Variants in DMD observed in about 807,000 individuals in gnomAD.
DMD encodes the protein dystrophin, also known as mutant dystrophin.
DMD carries 63 observed loss-of-function variants against 330.1 expected under a neutral mutation model. That is an observed-to-expected ratio of 0.19 (90% CI 0.16 to 0.24). The LOEUF (loss-of-function observed/expected upper bound fraction) is 0.24. DMD is among the 10% of genes least tolerant of loss of function. The pLI, the probability that DMD is intolerant of heterozygous loss-of-function variation, is 1.00. For synonymous variants in DMD, 1,223 were observed against 959.8 expected, an observed-to-expected ratio of 1.27 and a Z score of -5.07; for missense variants, 3,344 against 2,684.1, an observed-to-expected ratio of 1.25 and a Z score of -5.43.
At chrX:32,357,646 A>T (rs1402702305) in intron 37 of DMD, among the ~76,000 whole-genome samples, 1 of 83,316 alleles carries the variant, frequency 1.2e-5, no homozygotes, top group African/African-American at 5.0e-5. Flanking sequence ...ATTTCTCAAC[A>T]GTGCATACAC....
intron 60 of DMD, among the ~76,000 whole-genome samples, chrX:31,422,042 TA>T (rs1250539154): frequency 3.8e-4 from 3 of 7,935 alleles, no homozygotes; most frequent in African/African-American, 5.2e-4. Context: ...TATATATATA[TA>T]TTTTTTTTTT....
At chrX:31,269,892 A>G (rs2051485558) in intron 62 of DMD, among the ~76,000 whole-genome samples, 1 of 111,125 alleles carries the variant, frequency 9.0e-6, no homozygotes, top group African/African-American at 3.3e-5. Context: ...AGGAGGTTGG[A>G]CCTCTGTGGG....
intron 7 of DMD, among the ~76,000 whole-genome samples, chrX:32,761,958 G>C (rs942503455): frequency 1.8e-5 from 2 of 109,610 alleles, no homozygotes; most frequent in African/African-American, 6.7e-5. Context: ...AGACCATTCT[G>C]GCTAACACAG....
chrX:31,565,143 C>A (rs1461428695), intron 55 of DMD, among the ~76,000 whole-genome samples: 2 of 111,709 alleles, frequency 1.8e-5, no homozygotes, highest in Non-Finnish European at 3.8e-5. Flanking sequence ...CCCCTGACCC[C>A]GTCTCCCTGA....
intron 1 of DMD, among the ~76,000 whole-genome samples, chrX:33,093,084 A>G (rs774855142): frequency 3.6e-5 from 4 of 111,156 alleles, no homozygotes; most frequent in Non-Finnish European, 5.7e-5. Context: ...TATGTTGGAT[A>G]GGCTGGTCTC....
intron 7 of DMD, among the ~76,000 whole-genome samples, chrX:32,733,031 A>C (rs2067925550): frequency 9.1e-6 from 1 of 110,165 alleles, no homozygotes; most frequent in Non-Finnish European, 1.9e-5. Context: ...TCATGTGCAG[A>C]GACACACATA....
At chrX:31,374,058 GAC>G (rs1161643973) in intron 60 of DMD, among the ~76,000 whole-genome samples, 3 of 99,153 alleles carry the variant, frequency 3.0e-5, no homozygotes, top group Non-Finnish European at 6.1e-5. Context: ...GCAGCCAAAA[GAC>G]ACATGAAAAA....
At chrX:31,724,345 T>C (rs757341097) in intron 52 of DMD, among the ~76,000 whole-genome samples, 2 of 112,385 alleles carry the variant, frequency 1.8e-5, no homozygotes, top group South Asian at 3.6e-4. Flanking sequence ...CAATGAATGA[T>C]GGGTTGACAA....
At chrX:32,955,739 T>G (rs904922240) in intron 2 of DMD, among the ~76,000 whole-genome samples, 2 of 111,931 alleles carry the variant, frequency 1.8e-5, no homozygotes, top group Non-Finnish European at 3.8e-5. Context: ...GGGGTCCAGT[T>G]TCTATCTTCT....
intron 43 of DMD, among the ~76,000 whole-genome samples, chrX:32,265,477 G>A (rs1363987313): frequency 8.9e-6 from 1 of 112,484 alleles, no homozygotes; most frequent in Non-Finnish European, 1.9e-5. Flanking sequence ...GAAATGTGGG[G>A]TTGGAGCCCC....
At chrX:32,235,208 G>C (rs2097183242) in intron 43 of DMD, among the ~76,000 whole-genome samples, 1 of 111,450 alleles carries the variant, frequency 9.0e-6, no homozygotes, top group African/African-American at 3.3e-5. Context: ...GTCCCATCTG[G>C]GGGGTGATGG....
At chrX:31,460,781 T>C (rs1388384419) in intron 59 of DMD, among the ~76,000 whole-genome samples, 1 of 111,331 alleles carries the variant, frequency 9.0e-6, no homozygotes, top group Non-Finnish European at 1.9e-5. Context: ...GAGGTTTCAC[T>C]ATGTTGTCCA....
At chrX:32,600,655 T>G (rs754946818) in intron 12 of DMD, among the ~76,000 whole-genome samples, 7 of 108,821 alleles carry the variant, frequency 6.4e-5, no homozygotes, top group Admixed American at 5.0e-4. Context: ...CACAGAACGC[T>G]GTTCATCATG....
At chrX:32,999,931 G>GA (rs2093236056) in intron 2 of DMD, among the ~76,000 whole-genome samples, 1 of 112,447 alleles carries the variant, frequency 8.9e-6, no homozygotes, top group Admixed American at 9.4e-5. Context: ...TTGAGTTAAG[G>GA]AAAAAAAGTC....
At chrX:31,305,362 T>G (rs2054951009) in intron 62 of DMD, among the ~76,000 whole-genome samples, 1 of 111,745 alleles carries the variant, frequency 8.9e-6, no homozygotes, top group Non-Finnish European at 1.9e-5. Context: ...ACACTAAAAC[T>G]TGATTTTCCC....
chrX:33,171,392 T>C (rs1023111304), intron 1 of DMD, among the ~76,000 whole-genome samples: 1 of 111,509 alleles, frequency 9.0e-6, no homozygotes, highest in African/African-American at 3.3e-5. Context: ...GTAGTACAGC[T>C]GGGACTTGTC....
At chrX:32,573,263 T>C (rs941197298) in intron 15 of DMD, among the ~76,000 whole-genome samples, 5 of 112,085 alleles carry the variant, frequency 4.5e-5, no homozygotes, top group African/African-American at 1.3e-4. Context: ...AGACATTTCT[T>C]AGTATTACTT....
intron 7 of DMD, among the ~76,000 whole-genome samples, chrX:32,783,599 T>G (rs111285268): frequency 0.062 from 6,866 of 110,139 alleles, 215 homozygotes; most frequent in Non-Finnish European, 0.088. Context: ...AAAATGCATG[T>G]GTAACCCTGA....
intron 30 of DMD, among the ~76,000 whole-genome samples, chrX:32,411,539 T>G: frequency 8.9e-6 from 1 of 111,814 alleles, no homozygotes; most frequent in African/African-American, 3.3e-5. Context: ...AATGTCTTTA[T>G]TTCAAATTCC....
Sources: allele counts gnomAD v4.1 joint callset (sites outside exome capture counted in the v4.1 genomes callset), GRCh38; gene constraint gnomAD v4.1.1; transcripts MANE v1.5; gene names NCBI Gene and HGNC (gene_info 2026-07-23, HGNC 2026-07-21).